Variants in CLN8 observed in about 807,000 individuals in gnomAD.
The protein encoded by CLN8 is protein CLN8.
A neutral mutation model predicts 15.7 loss-of-function variants in CLN8; 14 were observed. The observed-to-expected ratio is 0.89, with a 90% CI of 0.59 to 1.39. The LOEUF is 1.39. Ranked by LOEUF, CLN8 falls within the 40% of genes most tolerant of loss-of-function variation. The pLI is 0.00. For synonymous variants in CLN8, 188 were observed against 151.0 expected (o/e 1.25, Z -1.80); for missense variants, 415 against 364.0 (o/e 1.14, Z -1.14).
chr8:1,771,624 A>G, intron 2 of CLN8, 27 bp downstream of exon 2: 1 of 1,603,932 alleles, frequency 6.2e-7, no homozygotes, highest in South Asian at 1.1e-5. Context: ...GCAGAAGATG[A>G]CATGTGCCTC....
Position 1,771,578 on chromosome 8 carries a change from T to C in CLN8, c.524T>C (p.Val175Ala). ...GAGATGAGCACGCCCTTTACCTGCGTTTCCTGGATGCTCTTAAAGGTAAGT... is the reference window on the plus strand; with the variant it reads ...GAGATGAGCACGCCCTTTACCTGCGCTTCCTGGATGCTCTTAAAGGTAAGT... ...LLEMSTPFTC[V>A]SWMLLKAGWS... is the part of the protein sequence containing the mutation. The change falls in exon 2 of 3, where the codon GTT becomes GCT. Residue 175 changes from valine to alanine, a missense_variant. Coordinates refer to ENST00000331222, the MANE Select transcript of CLN8 (RefSeq NM_018941.4). The C allele has an allele frequency of 1.2e-6, 2 of 1,614,030 alleles. No individual in the cohort carries two copies. The highest frequency in any genetic ancestry group is 2.2e-5 in the South Asian group (2 of 91,074).
chr8:1,757,652 G>A lies in CLN8; in HGVS notation c.-124+1570G>A, dbSNP rs114201650. 4.5e-3 allele frequency among the ~76,000 whole-genome samples: 685 copies of A among 152,164 alleles called. 3 individuals carry two copies. The highest frequency in any genetic ancestry group is 0.016 in the African/African-American group (645 of 41,512). ...GACAAGGTTTCACTAGCCTGGTCAC[G>A]AACTCCTGACCTCAGGAGATCCACC... is the stretch of plus-strand genomic sequence containing the variant. On this transcript the variant is annotated intron_variant, in intron 1 of 1. Coordinates refer to the CLN8 transcript ENST00000524258.
upstream of CLN8, chr8:1,763,199 C>T (rs576390674): frequency 2.6e-5 from 4 of 152,004 alleles, no homozygotes; most frequent in Admixed American, 6.5e-5. Flanking sequence ...GGCCGGGGCT[C>T]TTCTGGAGAA....
chr8:1,782,838 T>G lies in CLN8; in HGVS notation c.*2271T>G, dbSNP rs1047624492. The G allele has an allele frequency of 2.6e-5, 4 of 152,302 alleles. No individual in the cohort carries two copies. The highest frequency in any genetic ancestry group is 2.6e-4 in the Admixed American group (4 of 15,296). The allele number at this position is 152,302 out of a possible 1,614,324, so 9.4% of individuals were successfully genotyped here. ...TGGAGTTGGAAGTGGACAGCCTAAT[T>G]TTTATCTCACCTCCACTAGGACTTT... On this transcript the variant is annotated 3_prime_UTR_variant, in exon 3 of 3. Transcript: ENST00000331222.
upstream of CLN8, among the ~76,000 whole-genome samples, chr8:1,755,433 C>G (rs964083978): frequency 6.6e-6 from 1 of 152,206 alleles, no homozygotes; most frequent in African/African-American, 2.4e-5. Context: ...TGGCCCCACA[C>G]AGACCCCTCC....
rs150729696 is a variant in CLN8 at position 1,770,157 on chromosome 8, T to A, written c.-123-775T>A. On this transcript the variant is annotated intron_variant, in intron 1 of 2. Transcript: ENST00000331222. ...AAAGGTACTTAACCCAGTCCATGGG[T>A]CTCCCCTACTCTGGGAGGGCATCTG... 1.4e-3 allele frequency among the ~76,000 whole-genome samples: 219 copies of A among 152,146 alleles called. 1 individual carries two copies. Among genetic ancestry groups the A allele is most frequent in the African/African-American group, 5.2e-3 (214 of 41,488 alleles).
At chr8:1,765,523 C>T (rs1042548827) in intron 1 of CLN8, among the ~76,000 whole-genome samples, 2 of 152,114 alleles carry the variant, frequency 1.3e-5, no homozygotes, top group Admixed American at 1.3e-4. Context: ...TACAACCCAT[C>T]AATGTATAAT....
Position 1,780,588 on chromosome 8 carries a change from G to C in CLN8, c.*21G>C, listed in dbSNP as rs1242653166. 1 of 1,610,366 alleles carries C rather than the reference G, an allele frequency of 6.2e-7. No individual in the cohort carries two copies. Among genetic ancestry groups the C allele is most frequent in the Non-Finnish European group, 8.5e-7 (1 of 1,177,350 alleles). ...CATAGCTGCTCCAGCCGGGGCTCCGGGGCGGCAGCAGAGCTGGCACACCGA... is the reference window on the plus strand; with the variant it reads ...CATAGCTGCTCCAGCCGGGGCTCCGCGGCGGCAGCAGAGCTGGCACACCGA... On this transcript the variant is annotated 3_prime_UTR_variant, in exon 3 of 3. Transcript: ENST00000331222.
At chr8:1,753,827 A>T (rs539936168), upstream of CLN8, among the ~76,000 whole-genome samples, 177 of 151,892 alleles carry the variant, frequency 1.2e-3, 1 homozygote, top group African/African-American at 4.1e-3. Context: ...CAGAGGTTGC[A>T]CTGAGCTGAG....
chr8:1,770,994 A>G lies in CLN8; in HGVS notation c.-61A>G. 8.5e-6 allele frequency: 13 copies of G among 1,523,934 alleles called. No individual in the cohort carries two copies. Among genetic ancestry groups the G allele is most frequent in the South Asian group, 1.1e-5 (1 of 89,212 alleles). The allele number at this position is 1,523,934 out of a possible 1,614,324, so 94.4% of individuals were successfully genotyped here. Reference sequence around the variant, plus strand: ...CACTGACTTCATTTCCTTAGACAAGACACAGTGTAGGGCCCGGCCCGTGTT... The same window carrying G: ...CACTGACTTCATTTCCTTAGACAAGGCACAGTGTAGGGCCCGGCCCGTGTT... On this transcript the variant is annotated 5_prime_UTR_variant, in exon 2 of 3. Transcript: ENST00000331222.
rs187297173 is a variant in CLN8 at position 1,771,460 on chromosome 8, G to T, written c.406G>T (p.Val136Phe). 8.1e-6 allele frequency: 13 copies of T among 1,614,168 alleles called. No homozygotes were observed. Among genetic ancestry groups the T allele is most frequent in the East Asian group, 2.2e-5 (1 of 44,876 alleles). Residue 136 changes from valine to phenylalanine, a missense_variant, in exon 2 of 3, where the codon GTT (valine) becomes TTT (phenylalanine). Val to Phe is a conservative substitution (Grantham distance 50). Coordinates refer to ENST00000331222, the MANE Select transcript of CLN8 (RefSeq NM_018941.4). Reference protein sequence around the residue: ...LIFRTFDLFLVIHHLFAFLGF... With the variant: ...LIFRTFDLFLFIHHLFAFLGF... Reference sequence around the variant, plus strand: ...CTTCCGGACATTTGACTTGTTTCTGGTTATCCACCATCTCTTTGCCTTTCT... The same window carrying T: ...CTTCCGGACATTTGACTTGTTTCTGTTTATCCACCATCTCTTTGCCTTTCT...
At chr8:1,758,385 TTTGA>T (rs1441566823) in intron 1 of CLN8, 7 of 152,318 alleles carry the variant, frequency 4.6e-5, no homozygotes, top group African/African-American at 1.4e-4. Flanking sequence ...ATATGAGGAC[TTTGA>T]TTGATGACAC....
rs1801275257 is a variant in CLN8, at chr8:1,771,026, A to G, written c.-29A>G. 4 of 1,612,906 alleles carry G rather than the reference A, an allele frequency of 2.5e-6. No individual in the cohort carries two copies. Reference sequence around the variant, plus strand: ...GTAGGGCCCGGCCCGTGTTGGCCCCAGGACTCCTTTGGAATATAGCTGTGG... The same window carrying G: ...GTAGGGCCCGGCCCGTGTTGGCCCCGGGACTCCTTTGGAATATAGCTGTGG... On this transcript the variant is annotated 5_prime_UTR_variant, in exon 2 of 3. Coordinates refer to ENST00000331222, the MANE Select transcript of CLN8 (RefSeq NM_018941.4).
At chr8:1,757,455 T>C (rs930922799) in intron 1 of CLN8, among the ~76,000 whole-genome samples, 1 of 152,174 alleles carries the variant, frequency 6.6e-6, no homozygotes, top group African/African-American at 2.4e-5. Context: ...TTGTTTCGTT[T>C]TTTGAGATGG....
chr8:1,786,371 G>A lies in CLN8; in HGVS notation c.*5804G>A, dbSNP rs1467004788. 2 of 152,216 alleles carry A rather than the reference G, an allele frequency of 1.3e-5. No homozygotes were observed. Among genetic ancestry groups the A allele is most frequent in the Non-Finnish European group, 2.9e-5 (2 of 68,036 alleles). The allele number at this position is 152,216 out of a possible 1,614,324, so 9.4% of individuals were successfully genotyped here. On this transcript the variant is annotated 3_prime_UTR_variant, in exon 3 of 3. Transcript: ENST00000331222. ...TCACGAATGCATGTTGACGCTTTCA[G>A]TTCACCCCTTTCTTTGCTAACTTTC...
chr8:1,769,399 G>A (rs1801209748), intron 1 of CLN8, among the ~76,000 whole-genome samples: 1 of 152,166 alleles, frequency 6.6e-6, no homozygotes, highest in Non-Finnish European at 1.5e-5. Flanking sequence ...CTCTAGTCCT[G>A]CTGTCTCACA....
chr8:1,780,422 C>T lies in CLN8; in HGVS notation c.716C>T (p.Ala239Val), dbSNP rs913988013. The change falls in exon 3 of 3, where the codon GCT (alanine) becomes GTT (valine). Residue 239 changes from alanine (A) to valine (V), a missense_variant. By Grantham distance (64) the Ala-to-Val change is moderately conservative (BLOSUM62 0). Coordinates refer to ENST00000331222, the MANE Select transcript of CLN8 (RefSeq NM_018941.4). ...PHLTLFLVGL[A>V]LLTLIINPYW... The stretch of plus-strand genomic sequence containing the variant: ...TTGACACTGTTCCTTGTCGGACTGG[C>T]TCTGCTTACGCTAATCATTAATCCA... 8.7e-6 allele frequency: 14 copies of T among 1,614,104 alleles called. No individual in the cohort carries two copies. The Admixed American group carries it at 2.2e-4, about 25-fold the overall frequency.
At chr8:1,764,876 C>G (rs1240050536) in intron 1 of CLN8, among the ~76,000 whole-genome samples, 1 of 152,188 alleles carries the variant, frequency 6.6e-6, no homozygotes, top group African/African-American at 2.4e-5. Flanking sequence ...TTCAGTTTAC[C>G]CTCTGTGTGA....
intron 1 of CLN8, among the ~76,000 whole-genome samples, chr8:1,757,846 C>T (rs188271617): frequency 6.9e-4 from 105 of 152,188 alleles, no homozygotes; most frequent in African/African-American, 2.2e-3. Flanking sequence ...GCTATTATCT[C>T]GGGGTTATCA....
Sources: gnomAD v4.1 joint callset for allele counts (sites outside exome capture counted in the v4.1 genomes callset) on GRCh38, gnomAD v4.1.1 for gene constraint, MANE v1.5 for transcripts, NCBI Gene and HGNC (gene_info 2026-07-23, HGNC 2026-07-21) for gene names.